ZNF804A: variants seen among roughly 807,000 people sequenced by gnomAD.
ZNF804A encodes the protein zinc finger protein 804A.
Under a neutral mutation model 16.5 loss-of-function variants are expected in ZNF804A, and 2 were observed. The observed-to-expected ratio is 0.12, with a 90% CI of 0.05 to 0.38. ZNF804A has a LOEUF of 0.38. Among genes scored for constraint, ZNF804A ranks in the 10% least tolerant of loss-of-function variants. The probability of loss-of-function intolerance (pLI) is 0.99; values close to 1 mark genes in which losing one functional copy is unlikely to be tolerated. For synonymous variants in ZNF804A, 534 were observed against 489.6 expected, an observed-to-expected ratio of 1.09 and a Z score of -1.20; for missense variants, 1,473 against 1,390.7, an observed-to-expected ratio of 1.06 and a Z score of -0.94.
At chr2:184,625,164 T>C (rs946229351) in intron 1 of ZNF804A, among the ~76,000 whole-genome samples, 3 of 152,114 alleles carry the variant, frequency 2.0e-5, no homozygotes, top group Admixed American at 1.3e-4. Context: ...ACAAAAATAA[T>C]AATAAATGTG....
intron 2 of ZNF804A, among the ~76,000 whole-genome samples, chr2:184,932,611 C>G (rs1259264002): frequency 1.3e-5 from 2 of 152,152 alleles, no homozygotes; most frequent in Non-Finnish European, 2.9e-5. Context: ...GGTGGGGACA[C>G]AGTCACATTA....
At chr2:184,746,188 A>C (rs1693787088) in intron 1 of ZNF804A, among the ~76,000 whole-genome samples, 1 of 151,532 alleles carries the variant, frequency 6.6e-6, no homozygotes, top group Non-Finnish European at 1.5e-5. Flanking sequence ...TGTGTTGCGA[A>C]CATTTCAACT....
chr2:184,822,957 T>C (rs2105791818), intron 1 of ZNF804A, among the ~76,000 whole-genome samples: 1 of 152,246 alleles, frequency 6.6e-6, no homozygotes, highest in African/African-American at 2.4e-5. Context: ...ATATCTGAAT[T>C]GTACCTGTGT....
At chr2:184,885,148 C>T (rs72907728) in intron 2 of ZNF804A, among the ~76,000 whole-genome samples, 7,664 of 149,650 alleles carry the variant, frequency 0.051, 254 homozygotes, top group Middle Eastern at 0.078. Flanking sequence ...CAGTGAGATA[C>T]AATTTCACAT....
intron 1 of ZNF804A, among the ~76,000 whole-genome samples, chr2:184,790,233 T>G (rs967110339): frequency 4.6e-5 from 7 of 151,298 alleles, no homozygotes; most frequent in East Asian, 1.9e-4. Flanking sequence ...GTTTTTTTGT[T>G]TTTTTTTTGA....
At chr2:184,719,972 A>G (rs1693280885) in intron 1 of ZNF804A, among the ~76,000 whole-genome samples, 2 of 152,274 alleles carry the variant, frequency 1.3e-5, no homozygotes, top group South Asian at 4.2e-4. Context: ...TACACTGCTG[A>G]TAATGTCATG....
chr2:184,624,657 C>A (rs1458887502), intron 1 of ZNF804A, among the ~76,000 whole-genome samples: 1 of 152,090 alleles, frequency 6.6e-6, no homozygotes, highest in Admixed American at 6.6e-5. Flanking sequence ...TTCTACACTA[C>A]TATAGTAGAT....
intron 1 of ZNF804A, among the ~76,000 whole-genome samples, chr2:184,845,411 A>C (rs553510471): frequency 6.6e-6 from 1 of 152,116 alleles, no homozygotes; most frequent in Non-Finnish European, 1.5e-5. Context: ...TGTGATATAG[A>C]ATTTTTTTCT....
intron 2 of ZNF804A, among the ~76,000 whole-genome samples, chr2:184,879,097 C>T (rs1427682693): frequency 2.0e-5 from 3 of 151,782 alleles, no homozygotes; most frequent in Non-Finnish European, 4.4e-5. Context: ...TGATGCCTCA[C>T]GGAGTACTAG....
rs769803953 is a variant in ZNF804A at position 184,598,909 on chromosome 2, C to T, written c.-51C>T. On this transcript the variant is annotated 5_prime_UTR_variant, in exon 1 of 4. Transcript: ENST00000302277. ...GGCCCCGGCGCGCTGCGGCTGTGGG[C>T]GCGGGGTGCGTGGAAGCGGCGGCTG... 20 of 1,321,934 alleles carry T rather than the reference C, an allele frequency of 1.5e-5. No individual in the cohort carries two copies. In the South Asian group the frequency reaches 2.7e-4, roughly 18 times the overall value. 81.9% of individuals were successfully genotyped at this position (1,321,934 alleles called of 1,614,324 possible).
At chr2:184,688,715 A>T (rs966888805) in intron 1 of ZNF804A, among the ~76,000 whole-genome samples, 1 of 148,444 alleles carries the variant, frequency 6.7e-6, no homozygotes, top group Non-Finnish European at 1.5e-5. Context: ...ATTATGAACA[A>T]TTAAAGGAAA....
At chr2:184,752,343 C>T (rs1187736366) in intron 1 of ZNF804A, among the ~76,000 whole-genome samples, 2 of 151,524 alleles carry the variant, frequency 1.3e-5, no homozygotes, top group Non-Finnish European at 3.0e-5. Context: ...ATGGATGGAG[C>T]TGAAGGTCAT....
At chr2:184,777,524 A>T (rs1694307068) in intron 1 of ZNF804A, among the ~76,000 whole-genome samples, 2 of 151,384 alleles carry the variant, frequency 1.3e-5, no homozygotes, top group Non-Finnish European at 1.5e-5. Context: ...CCTCATACCA[A>T]TGCCCAGTGT....
intron 1 of ZNF804A, among the ~76,000 whole-genome samples, chr2:184,743,448 CT>C (rs1693738486): frequency 6.6e-6 from 1 of 151,874 alleles, no homozygotes; most frequent in South Asian, 2.1e-4. Context: ...ATTTGGGGAG[CT>C]TTCCAAGTAA....
intron 2 of ZNF804A, among the ~76,000 whole-genome samples, chr2:184,931,850 C>A (rs1199514216): frequency 1.3e-5 from 2 of 152,144 alleles, no homozygotes; most frequent in African/African-American, 4.8e-5. Context: ...CAAAAAATAA[C>A]TTTGTGAATA....
At chr2:184,679,953 G>C (rs543810969) in intron 1 of ZNF804A, among the ~76,000 whole-genome samples, 48 of 152,294 alleles carry the variant, frequency 3.2e-4, no homozygotes, top group African/African-American at 1.2e-3. Context: ...CCAGTTCCCA[G>C]GCCCAGAGTA....
chr2:184,769,514 G>A (rs72901893), intron 1 of ZNF804A, among the ~76,000 whole-genome samples: 7,670 of 152,072 alleles, frequency 0.05, 255 homozygotes, highest in Middle Eastern at 0.078. Flanking sequence ...TAATTTAATA[G>A]AACCATAGAA....
chr2:184,624,004 A>G (rs151076669), intron 1 of ZNF804A, among the ~76,000 whole-genome samples: 4 of 152,164 alleles, frequency 2.6e-5, no homozygotes, highest in Non-Finnish European at 4.4e-5. Context: ...AGTCAGGGGG[A>G]CTAAAAATTC....
chr2:184,926,016 C>T (rs1272013862), intron 2 of ZNF804A, among the ~76,000 whole-genome samples: 1 of 151,808 alleles, frequency 6.6e-6, no homozygotes, highest in Admixed American at 6.6e-5. Context: ...TTTAACCTTT[C>T]TATTTAAGAG....
Sources: allele counts gnomAD v4.1 joint callset (sites outside exome capture counted in the v4.1 genomes callset), GRCh38; gene constraint gnomAD v4.1.1; transcripts MANE v1.5; gene names NCBI Gene and HGNC (gene_info 2026-07-23, HGNC 2026-07-21).